SEZ6L: variants seen among roughly 807,000 people sequenced by gnomAD.
SEZ6L encodes the protein seizure 6-like protein.
In SEZ6L, 37 loss-of-function variants were observed where a neutral mutation model predicts 106.2. The ratio of observed to expected loss-of-function variants is 0.35; its 90% CI spans 0.27 to 0.46. The LOEUF (loss-of-function observed/expected upper bound fraction) is 0.46, where lower values mean the gene tolerates loss of function less well. Among genes scored for constraint, SEZ6L ranks in the 20% least tolerant of loss-of-function variants. The pLI, the probability that SEZ6L is intolerant of heterozygous loss-of-function variation, is 1.00. For synonymous variants in SEZ6L, 541 were observed against 570.4 expected, an observed-to-expected ratio of 0.95 and a Z score of 0.73; for missense variants, 1,172 against 1,332.8, an observed-to-expected ratio of 0.88 and a Z score of 1.88.
At chr22:26,374,666 G>A (rs923188998) in intron 14 of SEZ6L, among the ~76,000 whole-genome samples, 6 of 152,188 alleles carry the variant, frequency 3.9e-5, no homozygotes, top group African/African-American at 1.4e-4. Flanking sequence ...CCCATAAAGT[G>A]GTGGTTAATG....
chr22:26,178,560 C>T (rs2063445688), intron 1 of SEZ6L, among the ~76,000 whole-genome samples: 1 of 152,144 alleles, frequency 6.6e-6, no homozygotes, highest in South Asian at 2.1e-4. Context: ...CAGTATAGCA[C>T]CTGGGGTCTG....
intron 12 of SEZ6L, among the ~76,000 whole-genome samples, chr22:26,354,558 T>C (rs2083379043): frequency 1.3e-5 from 2 of 152,156 alleles, no homozygotes; most frequent in African/African-American, 4.8e-5. Flanking sequence ...TTCCTTCTAG[T>C]GACTGCAAGA....
chr22:26,279,536 A>G (rs977615702), intron 1 of SEZ6L, among the ~76,000 whole-genome samples: 2 of 152,148 alleles, frequency 1.3e-5, no homozygotes, highest in African/African-American at 4.8e-5. Flanking sequence ...AGATCTGTCC[A>G]TGTTCATCCT....
At chr22:26,212,823 T>C (rs559876695) in intron 1 of SEZ6L, among the ~76,000 whole-genome samples, 16 of 152,234 alleles carry the variant, frequency 1.1e-4, no homozygotes, top group Non-Finnish European at 1.9e-4. Flanking sequence ...AAGCCAAATG[T>C]GGTCCCTGGA....
intron 1 of SEZ6L, among the ~76,000 whole-genome samples, chr22:26,246,184 G>A (rs2079336418): frequency 6.6e-6 from 1 of 152,108 alleles, no homozygotes; most frequent in African/African-American, 2.4e-5. Context: ...CTGGGTCTGG[G>A]TTCCATGTCC....
chr22:26,300,158 T>A (rs958146925), intron 5 of SEZ6L, among the ~76,000 whole-genome samples: 6 of 50,512 alleles, frequency 1.2e-4, no homozygotes, highest in African/African-American at 6.3e-4. Flanking sequence ...CTTTGCCCAT[T>A]TTTTTTTAAT....
Position 26,292,397 on chromosome 22 carries a change from T to C in SEZ6L, c.95-9T>C. 1 of 1,603,616 alleles carries C rather than the reference T, an allele frequency of 6.2e-7. No homozygotes were observed. Among genetic ancestry groups the C allele is most frequent in the Non-Finnish European group, 8.5e-7 (1 of 1,173,694 alleles). ...CCAAACTAACTGGTGTCTTTTCTCCTCTTCCAAGATGCTCTTCCCGAGGGA... is the reference window on the plus strand; with the variant it reads ...CCAAACTAACTGGTGTCTTTTCTCCCCTTCCAAGATGCTCTTCCCGAGGGA... On this transcript the variant is annotated splice_polypyrimidine_tract_variant and intron_variant, in intron 1 of 16. Coordinates refer to ENST00000248933, the MANE Select transcript of SEZ6L (RefSeq NM_021115.5).
intron 1 of SEZ6L, among the ~76,000 whole-genome samples, chr22:26,290,818 C>T (rs1055966101): frequency 1.3e-5 from 2 of 152,252 alleles, no homozygotes; most frequent in African/African-American, 4.8e-5. Flanking sequence ...TTGTGCCCAC[C>T]TCTGCCCAGC....
Position 26,351,076 on chromosome 22 carries a change from A to T in SEZ6L, c.2432A>T (p.Glu811Val). 1 of 1,614,022 alleles carries T rather than the reference A, an allele frequency of 6.2e-7. No homozygotes were observed. The highest frequency in any genetic ancestry group is 8.5e-7 in the Non-Finnish European group (1 of 1,180,006). The change falls in exon 12 of 17, where the codon GAG becomes GTG. Residue 811 changes from glutamate to valine, a missense_variant. Around this residue, in one of 4 missense-constraint regions of SEZ6L, gnomAD observed 534 missense variants for 691.0 expected, o/e 0.77. Coordinates refer to ENST00000248933, the MANE Select transcript of SEZ6L (RefSeq NM_021115.5). ...GTTATGTACTGCACCGACCCCGGAG[A>T]GGTGGATCACTCGACCCGCTTAATT... Reference protein sequence around the residue: ...EKIMYCTDPGEVDHSTRLISD... With the variant: ...EKIMYCTDPGVVDHSTRLISD...
At chr22:26,175,317 C>T (rs1464387219) in intron 1 of SEZ6L, among the ~76,000 whole-genome samples, 2 of 152,206 alleles carry the variant, frequency 1.3e-5, no homozygotes, top group Non-Finnish European at 2.9e-5. Context: ...TTTACTATAT[C>T]TCAGGCACTT....
chr22:26,241,733 T>C (rs138049001), intron 1 of SEZ6L, among the ~76,000 whole-genome samples: 2 of 152,256 alleles, frequency 1.3e-5, no homozygotes, highest in East Asian at 3.9e-4. Context: ...ACTTCTAAAA[T>C]TCCCTTAAAT....
At chr22:26,311,271 C>T (rs1239297421) in intron 7 of SEZ6L, among the ~76,000 whole-genome samples, 1 of 152,182 alleles carries the variant, frequency 6.6e-6, no homozygotes, top group Admixed American at 6.5e-5. Context: ...TAGTAGACCT[C>T]TTAGAATTTA....
intron 1 of SEZ6L, among the ~76,000 whole-genome samples, chr22:26,254,731 C>G (rs910480845): frequency 3.9e-5 from 6 of 152,170 alleles, no homozygotes; most frequent in African/African-American, 1.4e-4. Flanking sequence ...GCAGTAAGAC[C>G]AGAGCAATTG....
intron 5 of SEZ6L, among the ~76,000 whole-genome samples, chr22:26,303,931 A>G (rs1020018974): frequency 1.3e-5 from 2 of 152,132 alleles, no homozygotes; most frequent in African/African-American, 4.8e-5. Context: ...GGCTCCCAAG[A>G]CTTGAAACCC....
intron 1 of SEZ6L, among the ~76,000 whole-genome samples, chr22:26,283,881 A>G (rs1424087456): frequency 1.3e-5 from 2 of 152,344 alleles, no homozygotes; most frequent in East Asian, 1.9e-4. Flanking sequence ...GAAGGTGCAC[A>G]TATGTGGGTA....
intron 3 of SEZ6L, 97 bp downstream of exon 3, chr22:26,294,522 G>T (rs2081234493): frequency 2.2e-6 from 3 of 1,347,768 alleles, no homozygotes; most frequent in Non-Finnish European, 3.1e-6. Flanking sequence ...TAACTAGTTT[G>T]GTTCTGTCTT....
Position 26,327,984 on chromosome 22 carries a change from G to A in SEZ6L, c.2016-12452G>A, listed in dbSNP as rs118149111. On this transcript the variant is annotated intron_variant, in intron 9 of 16. Transcript: ENST00000248933. ...AGTCTGGAAAACTCAGGCCTCAGCA[G>A]CCTATTTCTAAAGCCTTGTATTCCC... Among the ~76,000 whole-genome samples, 844 of 152,344 alleles carry A rather than the reference G, an allele frequency of 5.5e-3. 7 individuals carry two copies. The highest frequency in any genetic ancestry group is 8.1e-3 in the Non-Finnish European group (551 of 68,032).
At position 26,356,939 on chromosome 22, in the gene SEZ6L, T is replaced by G. The variant is rs149638248; in HGVS notation, c.2599+5696T>G. 5.7e-3 allele frequency among the ~76,000 whole-genome samples: 849 copies of G among 149,022 alleles called. 2 individuals carry two copies. Among genetic ancestry groups the G allele is most frequent in the Non-Finnish European group, 9.6e-3 (652 of 67,620 alleles). ...TAGTTCACAAGGGTCCAACACATCA[T>G]TGTGTTTCCTCAGAACTTTTTTTTT... On this transcript the variant is annotated intron_variant, in intron 12 of 16. Transcript: ENST00000248933.
chr22:26,304,740 G>A (rs2081581936), intron 5 of SEZ6L, among the ~76,000 whole-genome samples: 1 of 152,016 alleles, frequency 6.6e-6, no homozygotes, highest in Non-Finnish European at 1.5e-5. Context: ...AATAGGTATG[G>A]CACACTATTT....
Sources: gnomAD v4.1 joint callset for allele counts (sites outside exome capture counted in the v4.1 genomes callset) on GRCh38, gnomAD v4.1.1 for gene constraint, gnomAD v4.1.1 regional missense constraint, MANE v1.5 for transcripts, NCBI Gene and HGNC (gene_info 2026-07-23, HGNC 2026-07-21) for gene names.